LRRC7: variants seen among roughly 807,000 people sequenced by gnomAD.
LRRC7 encodes the protein leucine rich repeat containing 7.
A neutral mutation model predicts 175.7 loss-of-function variants in LRRC7; 23 were observed. That is an observed-to-expected ratio of 0.13 (90% CI 0.09 to 0.19). The LOEUF (loss-of-function observed/expected upper bound fraction) is 0.19, where lower values mean the gene tolerates loss of function less well. Ranked by LOEUF, LRRC7 falls within the 10% of genes least tolerant of loss-of-function variation. The probability of loss-of-function intolerance (pLI) is 1.00; values close to 1 mark genes in which losing one functional copy is unlikely to be tolerated. For synonymous variants in LRRC7, 685 were observed against 680.9 expected (o/e 1.01, Z -0.09); for missense variants, 1,354 against 1,904.7 (o/e 0.71, Z 5.38).
chr1:69,951,729 G>A (rs977813805), intron 8 of LRRC7, among the ~76,000 whole-genome samples: 69 of 152,094 alleles, frequency 4.5e-4, no homozygotes, highest in African/African-American at 1.6e-3. Flanking sequence ...AAAAGTGGGA[G>A]CTAAATAATG....
intron 5 of LRRC7, among the ~76,000 whole-genome samples, chr1:69,832,111 G>T (rs76671031): frequency 0.031 from 4,704 of 152,210 alleles, 242 homozygotes; most frequent in African/African-American, 0.11. Flanking sequence ...TGGGAGATAA[G>T]CCCAGGAAAT....
intron 3 of LRRC7, among the ~76,000 whole-genome samples, chr1:69,773,833 G>A (rs1672512573): frequency 1.3e-5 from 2 of 152,172 alleles, no homozygotes; most frequent in African/African-American, 4.8e-5. Flanking sequence ...GCACAACGAG[G>A]TTAAAGAATG....
At chr1:69,669,131 T>C (rs560064345) in intron 1 of LRRC7, among the ~76,000 whole-genome samples, 60 of 152,362 alleles carry the variant, frequency 3.9e-4, no homozygotes, top group Admixed American at 2.7e-3. Context: ...AGTGTTATAA[T>C]ACTCTGTGTT....
chr1:69,783,453 A>C (rs1674013698), intron 3 of LRRC7, among the ~76,000 whole-genome samples: 1 of 152,100 alleles, frequency 6.6e-6, no homozygotes, highest in Admixed American at 6.5e-5. Flanking sequence ...GAAATAATGA[A>C]GTTTTAAAAA....
chr1:69,886,928 G>C (rs1158907553), intron 7 of LRRC7, among the ~76,000 whole-genome samples: 1 of 152,024 alleles, frequency 6.6e-6, no homozygotes, highest in Admixed American at 6.6e-5. Flanking sequence ...TTTTCTTTAA[G>C]AATGTTGAAA....
chr1:69,906,848 C>T (rs139546349), intron 7 of LRRC7, among the ~76,000 whole-genome samples: 4 of 152,124 alleles, frequency 2.6e-5, no homozygotes, highest in East Asian at 1.9e-4. Context: ...AATTACCTTG[C>T]GCAATATGGC....
At chr1:69,735,692 A>G (rs927225693) in intron 2 of LRRC7, among the ~76,000 whole-genome samples, 3 of 152,028 alleles carry the variant, frequency 2.0e-5, no homozygotes, top group Non-Finnish European at 4.4e-5. Flanking sequence ...CCTTGACTGA[A>G]TTCTCATTTG....
At chr1:70,118,108 T>C (rs1665982429) in intron 26 of LRRC7, among the ~76,000 whole-genome samples, 1 of 150,634 alleles carries the variant, frequency 6.6e-6, no homozygotes, top group Non-Finnish European at 1.5e-5. Flanking sequence ...CGAACAAAAA[T>C]GCAAAACTCC....
chr1:69,963,831 G>A (rs1651382613), intron 8 of LRRC7, among the ~76,000 whole-genome samples: 1 of 152,096 alleles, frequency 6.6e-6, no homozygotes, highest in African/African-American at 2.4e-5. Context: ...ACCCAGCCCA[G>A]GAAACATAAA....
intron 7 of LRRC7, among the ~76,000 whole-genome samples, chr1:69,843,420 A>T (rs1310048377): frequency 6.6e-6 from 1 of 152,144 alleles, no homozygotes; most frequent in East Asian, 1.9e-4. Context: ...GAAGTTTTTT[A>T]ATTTCCCATA....
intron 2 of LRRC7, among the ~76,000 whole-genome samples, chr1:69,681,566 T>G (rs1660494376): frequency 6.6e-6 from 1 of 152,180 alleles, no homozygotes; most frequent in African/African-American, 2.4e-5. Context: ...TCAAATAAAC[T>G]TTCAATAAAA....
Position 69,902,799 on chromosome 1 carries a change from G to A in LRRC7, c.648-28708G>A, listed in dbSNP as rs116779574. On this transcript the variant is annotated intron_variant, in intron 7 of 26. Transcript: ENST00000651989. ...CAAGTTCAGAAACATACTTTTTTAT[G>A]AGAGTATGTTGAAAAGCAATGGTTG... 5.5e-3 allele frequency among the ~76,000 whole-genome samples: 838 copies of A among 152,254 alleles called. 7 individuals carry two copies. The highest frequency in any genetic ancestry group is 0.019 in the African/African-American group (796 of 41,548).
At chr1:69,634,495 T>A (rs1005525956) in intron 1 of LRRC7, among the ~76,000 whole-genome samples, 7 of 152,142 alleles carry the variant, frequency 4.6e-5, no homozygotes, top group Admixed American at 2.0e-4. Flanking sequence ...ATGCTTTGAG[T>A]CCTAAAAATA....
rs1457552532 is a variant in LRRC7, at chr1:70,129,139, G to A, written c.*7252G>A. Among the ~76,000 whole-genome samples, 1 of 151,806 alleles carries A rather than the reference G, an allele frequency of 6.6e-6. No individual in the cohort carries two copies. Among genetic ancestry groups the A allele is most frequent in the Non-Finnish European group, 1.5e-5 (1 of 67,920 alleles). ...GCGCGCACCTGTAATCCTAGTTACTGGGGAGGCTGAGGCAGGAGAATTGCT... is the reference window on the plus strand; with the variant it reads ...GCGCGCACCTGTAATCCTAGTTACTAGGGAGGCTGAGGCAGGAGAATTGCT... On this transcript the variant is annotated 3_prime_UTR_variant, in exon 27 of 27. Transcript: ENST00000651989.
At chr1:70,037,895 A>G (rs1558011856) in intron 20 of LRRC7, among the ~76,000 whole-genome samples, 1 of 152,186 alleles carries the variant, frequency 6.6e-6, no homozygotes, top group Admixed American at 6.5e-5. Flanking sequence ...ATTATATAGT[A>G]TATTAGAAGG....
chr1:69,977,149 A>G (rs564139819), intron 8 of LRRC7, among the ~76,000 whole-genome samples: 1 of 152,300 alleles, frequency 6.6e-6, no homozygotes, highest in African/African-American at 2.4e-5. Flanking sequence ...CCTGTCACCA[A>G]GTCCTACCAT....
chr1:69,625,078 C>A (rs975125212), intron 1 of LRRC7, among the ~76,000 whole-genome samples: 2 of 151,892 alleles, frequency 1.3e-5, no homozygotes, highest in African/African-American at 4.8e-5. Flanking sequence ...ATTATTTTTT[C>A]TTTAAATGAT....
At chr1:69,927,629 T>C (rs1369764724) in intron 7 of LRRC7, among the ~76,000 whole-genome samples, 1 of 152,238 alleles carries the variant, frequency 6.6e-6, no homozygotes, top group Non-Finnish European at 1.5e-5. Flanking sequence ...ATTCTTCACG[T>C]AGTTCTCGAG....
chr1:69,910,550 G>T (rs1646491332), intron 7 of LRRC7, among the ~76,000 whole-genome samples: 2 of 152,176 alleles, frequency 1.3e-5, no homozygotes. Context: ...CTGCCTGATT[G>T]TTCCTCTGGA....
Sources: gnomAD v4.1 joint callset for allele counts (sites outside exome capture counted in the v4.1 genomes callset) on GRCh38, gnomAD v4.1.1 for gene constraint, MANE v1.5 for transcripts, NCBI Gene and HGNC (gene_info 2026-07-23, HGNC 2026-07-21) for gene names.